MDN1: variants seen among roughly 807,000 people sequenced by gnomAD.
The protein encoded by MDN1 is midasin.
A neutral mutation model predicts 669.2 loss-of-function variants in MDN1; 266 were observed. The ratio of observed to expected loss-of-function variants is 0.40; its 90% CI spans 0.36 to 0.44. The LOEUF is 0.44. MDN1 is among the 20% of genes least tolerant of loss of function. The pLI is 1.00. For synonymous variants in MDN1, 2,385 were observed against 2,457.1 expected (o/e 0.97, Z 0.87); for missense variants, 5,940 against 6,754.0 (o/e 0.88, Z 4.22).
intron 53 of MDN1, among the ~76,000 whole-genome samples, chr6:89,703,739 G>A (rs539610610): frequency 6.6e-6 from 1 of 152,136 alleles, no homozygotes; most frequent in Non-Finnish European, 1.5e-5. Flanking sequence ...GAGGCCAGGT[G>A]CGGTGGTTCA....
intron 1 of MDN1, among the ~76,000 whole-genome samples, chr6:89,807,393 G>T (rs1768090247): frequency 6.6e-6 from 1 of 152,170 alleles, no homozygotes; most frequent in African/African-American, 2.4e-5. Flanking sequence ...GGGGTTTATG[G>T]TTTTTCTCAG....
At chr6:89,657,658 C>G (rs1199592470) in intron 90 of MDN1, among the ~76,000 whole-genome samples, 1 of 152,180 alleles carries the variant, frequency 6.6e-6, no homozygotes, top group Non-Finnish European at 1.5e-5. Context: ...AGTCTAACAA[C>G]TTTTTCTTAT....
At chr6:89,700,892 G>T in intron 55 of MDN1, 36 bp from the exon 56 acceptor site, 1 of 1,585,280 alleles carries the variant, frequency 6.3e-7, no homozygotes, top group Non-Finnish European at 8.6e-7. Context: ...ATACTATAGA[G>T]CACAAATGTG....
chr6:89,694,366 A>G (rs2128308505), intron 61 of MDN1, among the ~76,000 whole-genome samples, 183 bp from the exon 62 acceptor site: 1 of 152,314 alleles, frequency 6.6e-6, no homozygotes, highest in African/African-American at 2.4e-5. Flanking sequence ...GGGGAAAGAA[A>G]CGATCTTATT....
At chr6:89,810,413 G>A (rs569963476) in intron 1 of MDN1, among the ~76,000 whole-genome samples, 1 of 152,210 alleles carries the variant, frequency 6.6e-6, no homozygotes, top group African/African-American at 2.4e-5. Flanking sequence ...TCTAGCCTGG[G>A]CAACAGAGTG....
chr6:89,681,205 G>A (rs1402520763), intron 73 of MDN1, among the ~76,000 whole-genome samples: 1 of 151,888 alleles, frequency 6.6e-6, no homozygotes. Flanking sequence ...ACAGGGTCTG[G>A]CTTTGTCACC....
At chr6:89,763,332 C>CAAA (rs35383804) in intron 15 of MDN1, among the ~76,000 whole-genome samples, 15 of 97,088 alleles carry the variant, frequency 1.5e-4, no homozygotes, top group South Asian at 7.3e-4. Context: ...GTAGGGCACG[C>CAAA]AAAAAAAAAA....
At chr6:89,797,497 T>C (rs1356583177) in intron 2 of MDN1, 2 of 247,202 alleles carry the variant, frequency 8.1e-6, no homozygotes, top group Non-Finnish European at 1.6e-5. Flanking sequence ...TATGTGGTTG[T>C]TGGCTGCAAC....
chr6:89,730,931 A>T lies in MDN1; in HGVS notation c.4943-8T>A, dbSNP rs368300052. On this transcript the variant is annotated splice_polypyrimidine_tract_variant and splice_region_variant and intron_variant, in intron 34 of 101. Transcript: ENST00000369393. ...ACCCAGAGGAAGTTACCCCTAAAAGACAGAGGATCAGTCCATGAAGCAACA... is the reference window on the plus strand; with the variant it reads ...ACCCAGAGGAAGTTACCCCTAAAAGTCAGAGGATCAGTCCATGAAGCAACA... The T allele has an allele frequency of 2.5e-6, 4 of 1,612,700 alleles. No individual in the cohort carries two copies. The African/African-American group carries it at 5.3e-5, about 22-fold the overall frequency.
intron 11 of MDN1, among the ~76,000 whole-genome samples, chr6:89,777,147 AGC>A (rs772162669): frequency 6.6e-6 from 1 of 152,226 alleles, no homozygotes; most frequent in Non-Finnish European, 1.5e-5. Flanking sequence ...ACTACCAGTG[AGC>A]CAACCAGTTA....
chr6:89,707,151 C>T (rs1041557137), intron 52 of MDN1, among the ~76,000 whole-genome samples: 1 of 152,118 alleles, frequency 6.6e-6, no homozygotes, highest in Non-Finnish European at 1.5e-5. Flanking sequence ...ATCAAGGACA[C>T]ATAAAAAGCA....
chr6:89,814,866 G>T, intron 1 of MDN1: 1 of 494,380 alleles, frequency 2.0e-6, no homozygotes, highest in Non-Finnish European at 4.1e-6. Flanking sequence ...CTCAACCTCC[G>T]GACAGGTACC....
At chr6:89,715,803 G>T in intron 44 of MDN1, 34 bp from the exon 45 acceptor site, 1 of 1,380,018 alleles carries the variant, frequency 7.2e-7, no homozygotes, top group South Asian at 1.2e-5. Context: ...TGGATAGGCT[G>T]ACATGCTGCA....
intron 33 of MDN1, among the ~76,000 whole-genome samples, chr6:89,734,337 C>A (rs1442849947): frequency 1.3e-5 from 2 of 151,450 alleles, no homozygotes; most frequent in Non-Finnish European, 2.9e-5. Context: ...TCACTAATAA[C>A]AAAAGACAAG....
intron 8 of MDN1, 118 bp from the exon 9 acceptor site, chr6:89,785,244 T>G (rs1440762791): frequency 1.4e-6 from 1 of 703,206 alleles, no homozygotes; most frequent in Non-Finnish European, 2.5e-6. Context: ...CATAATCCCT[T>G]CTGTTTCCAG....
chr6:89,806,736 T>A (rs1448744735), intron 1 of MDN1, among the ~76,000 whole-genome samples: 2 of 151,460 alleles, frequency 1.3e-5, no homozygotes, highest in Non-Finnish European at 2.9e-5. Flanking sequence ...AAAAAATTTT[T>A]AAAAAAAGCT....
At chr6:89,651,377 T>G (rs1808856965) in intron 95 of MDN1, among the ~76,000 whole-genome samples, 1 of 148,076 alleles carries the variant, frequency 6.8e-6, no homozygotes, top group Admixed American at 6.8e-5. Context: ...TAATCAGCAC[T>G]TTGGGAGGCC....
chr6:89,733,646 C>T (rs966332380), intron 33 of MDN1, among the ~76,000 whole-genome samples: 2 of 141,758 alleles, frequency 1.4e-5, no homozygotes, highest in African/African-American at 5.2e-5. Flanking sequence ...AAAAAAAAAA[C>T]TCTTTAAAAA....
rs537798578 is a variant in MDN1 at position 89,713,774 on chromosome 6, C to T, written c.7070-478G>A. ...TGTAAAGATTAAATAAACAGCTGGGCATGGTGGCTCACGCTTGTAATCCCA... is the reference window on the plus strand; with the variant it reads ...TGTAAAGATTAAATAAACAGCTGGGTATGGTGGCTCACGCTTGTAATCCCA... On this transcript the variant is annotated intron_variant, in intron 46 of 101. Transcript: ENST00000369393. 2.0e-5 allele frequency among the ~76,000 whole-genome samples: 3 copies of T among 152,126 alleles called. No homozygotes were observed. In the South Asian group the frequency reaches 6.2e-4, roughly 32 times the overall value.
Sources: gnomAD v4.1 joint callset for allele counts (sites outside exome capture counted in the v4.1 genomes callset) on GRCh38, gnomAD v4.1.1 for gene constraint, MANE v1.5 for transcripts, NCBI Gene and HGNC (gene_info 2026-07-23, HGNC 2026-07-21) for gene names.